Variants in PLCL1 observed in about 807,000 individuals in gnomAD.
The protein encoded by PLCL1 is phospholipase C like 1 (inactive).
Under a neutral mutation model 84.4 loss-of-function variants are expected in PLCL1, and 41 were observed. The observed-to-expected ratio is 0.49, with a 90% confidence interval of 0.38 to 0.63. The LOEUF (loss-of-function observed/expected upper bound fraction) is 0.63. Ranked by LOEUF, PLCL1 falls within the 30% of genes least tolerant of loss-of-function variation. The pLI is 0.00. For synonymous variants in PLCL1, 490 were observed against 488.3 expected, an observed-to-expected ratio of 1.00 and a Z score of -0.05; for missense variants, 1,206 against 1,367.8, an observed-to-expected ratio of 0.88 and a Z score of 1.87.
chr2:197,913,687 T>C (rs1393973129), intron 1 of PLCL1, among the ~76,000 whole-genome samples: 4 of 152,234 alleles, frequency 2.6e-5, no homozygotes, highest in Non-Finnish European at 5.9e-5. Flanking sequence ...ATGCTTTGTC[T>C]ACTCATTGCA....
chr2:197,896,984 C>A (rs902266135), intron 1 of PLCL1, among the ~76,000 whole-genome samples: 7 of 152,156 alleles, frequency 4.6e-5, no homozygotes, highest in Admixed American at 1.3e-4. Context: ...GGGTTTATGA[C>A]AGACATGTCA....
chr2:197,835,986 T>G (rs1336092133), intron 1 of PLCL1, among the ~76,000 whole-genome samples: 1 of 152,188 alleles, frequency 6.6e-6, no homozygotes, highest in African/African-American at 2.4e-5. Flanking sequence ...TGAATTTTTT[T>G]TCCTTGGAGA....
intron 1 of PLCL1, among the ~76,000 whole-genome samples, chr2:198,050,101 T>G (rs1271761658): frequency 3.9e-5 from 6 of 152,176 alleles, no homozygotes. Flanking sequence ...TTTCGTGAGT[T>G]GGAAGTTGGC....
intron 1 of PLCL1, among the ~76,000 whole-genome samples, chr2:197,836,419 C>T (rs899310217): frequency 2.4e-5 from 3 of 127,500 alleles, no homozygotes; most frequent in Non-Finnish European, 4.7e-5. Context: ...TGCACTCCAG[C>T]CTGGGCGACA....
rs114477924 is a variant in PLCL1 at position 198,101,167 on chromosome 2, G to C, written c.2920-118G>C. 1.0e-5 allele frequency: 7 copies of C among 687,516 alleles called. No homozygotes were observed. In the East Asian group the frequency reaches 1.0e-4, roughly 10 times the overall value. The allele number at this position is 687,516 out of a possible 1,614,324, so 42.6% of individuals were successfully genotyped here. A position where few individuals can be genotyped will look rare whatever the true frequency, so the allele number is the denominator to read the frequency against. On this transcript the variant is annotated intron_variant, in intron 3 of 5. Coordinates refer to ENST00000428675, the MANE Select transcript of PLCL1 (RefSeq NM_006226.4). ...ATCCTTCTCCCTCCCATCTGTTGTG[G>C]TGAGACTATGGCTTACTTTTACTGG... is the stretch of plus-strand genomic sequence containing the variant.
chr2:197,863,823 A>G (rs1032366159), intron 1 of PLCL1, among the ~76,000 whole-genome samples: 6 of 152,098 alleles, frequency 3.9e-5, no homozygotes, highest in African/African-American at 1.4e-4. Context: ...TTAATATTAA[A>G]TTTCTCTATA....
chr2:197,922,914 C>A (rs1205011604), intron 1 of PLCL1, among the ~76,000 whole-genome samples: 10 of 136,182 alleles, frequency 7.3e-5, no homozygotes, highest in Admixed American at 2.1e-4. Context: ...CTGACCCCCC[C>A]ACCTCCCTCC....
intron 1 of PLCL1, among the ~76,000 whole-genome samples, chr2:197,929,948 A>C (rs1324596606): frequency 6.6e-6 from 1 of 152,132 alleles, no homozygotes; most frequent in Non-Finnish European, 1.5e-5. Context: ...TTCTTTTGAC[A>C]TTTTTTCTCC....
rs1233659513 is a variant in PLCL1, at chr2:197,944,158, A to G, written c.240+138819A>G. 2.0e-5 allele frequency among the ~76,000 whole-genome samples: 3 copies of G among 152,204 alleles called. No homozygotes were observed. In the East Asian group the frequency reaches 5.8e-4, roughly 29 times the overall value. ...AGACTAGTTCAGTGCAGGAGGATCA[A>G]ACAAGTTAGCCGGATTTTTCACTGA... On this transcript the variant is annotated intron_variant, in intron 1 of 5. Transcript: ENST00000428675.
rs139592729 is a variant in PLCL1, at chr2:198,024,482, T to C, written c.241-59276T>C. ...CTTAAAGCAACTGATGTTTAGGAAT[T>C]ACTACACGTGGTGGCTCATGCCTGT... On this transcript the variant is annotated intron_variant, in intron 1 of 5. Coordinates refer to ENST00000428675, the MANE Select transcript of PLCL1 (RefSeq NM_006226.4). Among the ~76,000 whole-genome samples the C allele has an allele frequency of 2.7e-3, 409 of 152,306 alleles. 3 individuals are homozygous for C. The highest frequency in any genetic ancestry group is 4.5e-3 in the Non-Finnish European group (305 of 68,020).
intron 1 of PLCL1, among the ~76,000 whole-genome samples, chr2:197,923,003 C>T (rs1251256360): frequency 9.8e-6 from 1 of 102,484 alleles, no homozygotes; most frequent in African/African-American, 3.7e-5. Flanking sequence ...GGCAGAGGGG[C>T]TCCTCACTTC....
At position 197,930,824 on chromosome 2, in the gene PLCL1, A is replaced by G. The variant is rs1251089481; in HGVS notation, c.240+125485A>G. On this transcript the variant is annotated intron_variant, in intron 1 of 5. Transcript: ENST00000428675. ...ATTTTTAACTCACAAAAGTTCCCAC[A>G]TAAGGAGGCCAGCACTGTCAAAGTT... Among the ~76,000 whole-genome samples the G allele has an allele frequency of 5.9e-5, 9 of 152,340 alleles. No individual in the cohort carries two copies. In the East Asian group the frequency reaches 1.7e-3, roughly 29 times the overall value.
At chr2:197,981,948 T>C (rs1434418363) in intron 1 of PLCL1, among the ~76,000 whole-genome samples, 1 of 152,138 alleles carries the variant, frequency 6.6e-6, no homozygotes, top group Non-Finnish European at 1.5e-5. Context: ...CTTAGAATTA[T>C]GCATTTTAAG....
intron 1 of PLCL1, among the ~76,000 whole-genome samples, chr2:198,067,118 T>G (rs961367634): frequency 1.3e-5 from 2 of 151,582 alleles, no homozygotes; most frequent in African/African-American, 4.9e-5. Context: ...TCCTCTTTTT[T>G]GTGGCCCTCT....
At chr2:198,099,833 C>T (rs1212786850) in intron 3 of PLCL1, among the ~76,000 whole-genome samples, 1 of 152,020 alleles carries the variant, frequency 6.6e-6, no homozygotes, top group East Asian at 1.9e-4. Context: ...TTTATTTTAC[C>T]TCAAATAAGC....
At chr2:197,897,614 T>C in intron 1 of PLCL1, among the ~76,000 whole-genome samples, 1 of 152,322 alleles carries the variant, frequency 6.6e-6, no homozygotes, top group Middle Eastern at 3.4e-3. Context: ...ATTAATAAGA[T>C]ATTTATTTGT....
At chr2:197,965,274 A>G (rs1689704811) in intron 1 of PLCL1, among the ~76,000 whole-genome samples, 1 of 151,966 alleles carries the variant, frequency 6.6e-6, no homozygotes, top group African/African-American at 2.4e-5. Flanking sequence ...GGATTTCTTC[A>G]TGGTTCAATC....
intron 1 of PLCL1, among the ~76,000 whole-genome samples, chr2:197,818,295 G>A (rs150182660): frequency 1.3e-5 from 2 of 152,132 alleles, no homozygotes; most frequent in South Asian, 2.1e-4. Context: ...AACCATGACC[G>A]TCCCTTCCTT....
intron 1 of PLCL1, among the ~76,000 whole-genome samples, chr2:198,004,490 T>A (rs569908255): frequency 2.0e-5 from 3 of 152,338 alleles, no homozygotes; most frequent in African/African-American, 4.8e-5. Flanking sequence ...CTAAAGAGGC[T>A]CTGGCTAACT....
Sources: gnomAD v4.1 joint callset for allele counts (sites outside exome capture counted in the v4.1 genomes callset) on GRCh38, gnomAD v4.1.1 for gene constraint, MANE v1.5 for transcripts, NCBI Gene and HGNC (gene_info 2026-07-23, HGNC 2026-07-21) for gene names.